AGBL1: variants seen among roughly 807,000 people sequenced by gnomAD.
The protein encoded by AGBL1 is AGBL carboxypeptidase 1, also known as cytosolic carboxypeptidase 4.
In AGBL1, 130 loss-of-function variants were observed where a neutral mutation model predicts 118.9. The observed-to-expected ratio is 1.09, with a 90% CI of 0.95 to 1.26. The LOEUF (loss-of-function observed/expected upper bound fraction) is 1.26, where lower values mean the gene tolerates loss of function less well. Ranked by LOEUF, AGBL1 falls within the 50% of genes most tolerant of loss-of-function variation. The pLI is 0.00. For missense variants in AGBL1, 1,584 were observed against 1,298.1 expected, an observed-to-expected ratio of 1.22 and a Z score of -3.38; for synonymous variants, 555 against 478.9, an observed-to-expected ratio of 1.16 and a Z score of -2.08.
chr15:86,410,803 T>G (rs36187643), intron 18 of AGBL1, among the ~76,000 whole-genome samples: 17,663 of 67,414 alleles, frequency 0.26, 2,454 homozygotes, highest in East Asian at 0.58. Context: ...CAAGGTCAAA[T>G]GTAGATATAT....
At chr15:86,505,558 A>T (rs2082966304) in intron 18 of AGBL1, among the ~76,000 whole-genome samples, 1 of 151,836 alleles carries the variant, frequency 6.6e-6, no homozygotes, top group African/African-American at 2.4e-5. Context: ...ATCTGTAGTG[A>T]TTTGTAAATT....
rs1295890948 is a variant in AGBL1 at position 86,684,462 on chromosome 15, TC to T, written c.3158+10027del. ...TTAGTTAGTACCTAGCATAGTTCTC[TC>T]TTTTTTTTTTTCTTTTTTCTCTTCT... On this transcript the variant is annotated intron_variant, in intron 22 of 22. Coordinates refer to ENST00000614907, the MANE Select transcript of AGBL1 (RefSeq NM_001386094.1). Among the ~76,000 whole-genome samples, 79 of 30,544 alleles carry T rather than the reference TC, an allele frequency of 2.6e-3. No individual in the cohort carries two copies. The East Asian group carries it at 0.087, about 34-fold the overall frequency. The allele number at this position is 30,544 out of a possible 152,430, so 20.0% of individuals were successfully genotyped here.
intron 21 of AGBL1, among the ~76,000 whole-genome samples, chr15:86,611,055 T>C (rs1184789019): frequency 1.3e-5 from 2 of 152,208 alleles, no homozygotes; most frequent in African/African-American, 4.8e-5. Context: ...GAGGTCAAGA[T>C]TGAAATTGTG....
chr15:86,563,002 T>A (rs957227982), intron 21 of AGBL1, among the ~76,000 whole-genome samples: 1 of 152,162 alleles, frequency 6.6e-6, no homozygotes, highest in Admixed American at 6.6e-5. Flanking sequence ...CCCTTTATCA[T>A]TTTTTATTGC....
At chr15:86,935,803 G>A (rs940356394) in intron 23 of AGBL1, among the ~76,000 whole-genome samples, 1 of 152,242 alleles carries the variant, frequency 6.6e-6, no homozygotes, top group African/African-American at 2.4e-5. Flanking sequence ...GGTGACAATT[G>A]TATGTGGGTT....
chr15:86,198,343 G>T (rs141976100), intron 5 of AGBL1, among the ~76,000 whole-genome samples: 1 of 152,232 alleles, frequency 6.6e-6, no homozygotes, highest in Non-Finnish European at 1.5e-5. Context: ...GTATTCGACC[G>T]TACTTGACTT....
chr15:86,758,173 C>G (rs1468419140), intron 22 of AGBL1, among the ~76,000 whole-genome samples: 1 of 152,088 alleles, frequency 6.6e-6, no homozygotes, highest in Non-Finnish European at 1.5e-5. Flanking sequence ...GTGCCTTCCC[C>G]TGCCACATGT....
At chr15:86,780,310 T>A (rs1398141065) in intron 22 of AGBL1, among the ~76,000 whole-genome samples, 1 of 152,210 alleles carries the variant, frequency 6.6e-6, no homozygotes, top group Non-Finnish European at 1.5e-5. Context: ...CTGGATTCTT[T>A]TCTGTTCTAC....
chr15:86,256,933 A>C lies in AGBL1; in HGVS notation c.816A>C (p.Pro272=). ...TGAGGCAGTGCTACCCTACGAGTCC[A>C]CTTCCCTTGGTCACAGCCAGCAGTG... The part of the protein sequence containing the change: ...QILRQCYPTS[P]LPLVTASSAY... The change falls in exon 8 of 23, where the codon CCA becomes CCC. Residue 272 remains proline (P), a synonymous_variant. Transcript: ENST00000614907. 6.2e-7 allele frequency: 1 copy of C among 1,613,890 alleles called. No homozygotes were observed.
At chr15:86,730,829 A>AT (rs1198128743) in intron 22 of AGBL1, among the ~76,000 whole-genome samples, 4 of 151,914 alleles carry the variant, frequency 2.6e-5, no homozygotes, top group East Asian at 1.9e-4. Context: ...ATTTTATTTT[A>AT]TTTATTTATT....
chr15:86,185,908 A>T (rs980264664), intron 5 of AGBL1, among the ~76,000 whole-genome samples: 4 of 152,132 alleles, frequency 2.6e-5, no homozygotes, highest in African/African-American at 7.2e-5. Context: ...AGTATAATTT[A>T]AAAAAATCGT....
chr15:86,088,020 T>C (rs1895777400), intron 1 of AGBL1: 1 of 152,344 alleles, frequency 6.6e-6, no homozygotes, highest in Admixed American at 6.5e-5. Context: ...GATGGCAAGT[T>C]TTCAGGCTTT....
At chr15:86,328,323 C>T (rs772036105) in intron 17 of AGBL1, among the ~76,000 whole-genome samples, 35 of 151,754 alleles carry the variant, frequency 2.3e-4, no homozygotes, top group African/African-American at 6.8e-4. Flanking sequence ...GGAGAGAGAA[C>T]GATACAGAAA....
chr15:86,326,895 T>A (rs997504081), intron 17 of AGBL1, among the ~76,000 whole-genome samples: 1 of 152,062 alleles, frequency 6.6e-6, no homozygotes, highest in Admixed American at 6.6e-5. Context: ...TAGAATGATG[T>A]TATCCCCCAT....
chr15:86,832,289 C>T lies in AGBL1; in HGVS notation c.3159-74798C>T, dbSNP rs565239227. Among the ~76,000 whole-genome samples the T allele has an allele frequency of 5.3e-5, 8 of 152,284 alleles. No homozygotes were observed. In the South Asian group the frequency reaches 1.2e-3, roughly 24 times the overall value. ...CGTTACTTATGCAAATTTCTGCAGC[C>T]GGCTTGAATTTCTTCTCAGAAAATG... On this transcript the variant is annotated intron_variant, in intron 22 of 22. Coordinates refer to ENST00000614907, the MANE Select transcript of AGBL1 (RefSeq NM_001386094.1).
downstream of AGBL1, among the ~76,000 whole-genome samples, chr15:86,916,885 C>T (rs1403607244): frequency 6.6e-6 from 1 of 152,148 alleles, no homozygotes; most frequent in East Asian, 1.9e-4. Context: ...ATGATCTATT[C>T]AGAGCACAGA....
intron 19 of AGBL1, among the ~76,000 whole-genome samples, chr15:86,528,458 C>T (rs1254394234): frequency 6.6e-6 from 1 of 151,988 alleles, no homozygotes. Context: ...GAGGGTCCTA[C>T]ACCCACGGAA....
chr15:86,286,116 C>CT (rs36095501), intron 16 of AGBL1, among the ~76,000 whole-genome samples: 2,130 of 149,492 alleles, frequency 0.014, 46 homozygotes, highest in African/African-American at 0.047. Flanking sequence ...TTTTCTTTTT[C>CT]TTTTTTTTTA....
chr15:86,792,882 A>G (rs1024218185), intron 22 of AGBL1, among the ~76,000 whole-genome samples: 4 of 152,156 alleles, frequency 2.6e-5, no homozygotes, highest in Non-Finnish European at 5.9e-5. Flanking sequence ...TCCCAGTAAT[A>G]TTATCAACAA....
Sources: allele counts gnomAD v4.1 joint callset (sites outside exome capture counted in the v4.1 genomes callset), GRCh38; gene constraint gnomAD v4.1.1; transcripts MANE v1.5; gene names NCBI Gene and HGNC (gene_info 2026-07-23, HGNC 2026-07-21).